Variants in SPON1 observed in about 807,000 individuals in gnomAD.
SPON1 encodes the protein spondin-1.
A neutral mutation model predicts 111.7 loss-of-function variants in SPON1; 52 were observed. The observed-to-expected ratio is 0.47, with a 90% confidence interval of 0.37 to 0.59. The LOEUF (loss-of-function observed/expected upper bound fraction) is 0.59, where lower values mean the gene tolerates loss of function less well. Ranked by LOEUF, SPON1 falls within the 20% of genes least tolerant of loss-of-function variation. SPON1 has a pLI of 0.00. For missense variants in SPON1, 957 were observed against 1,068.5 expected, an observed-to-expected ratio of 0.90 and a Z score of 1.46; for synonymous variants, 410 against 395.8, an observed-to-expected ratio of 1.04 and a Z score of -0.43.
chr11:14,114,019 C>A (rs1004824052), intron 5 of SPON1, among the ~76,000 whole-genome samples: 8 of 152,074 alleles, frequency 5.3e-5, no homozygotes, highest in African/African-American at 1.9e-4. Flanking sequence ...TAATGGTGTA[C>A]CCATCCCCTC....
At chr11:14,204,741 G>T (rs1848499786) in intron 6 of SPON1, among the ~76,000 whole-genome samples, 1 of 151,904 alleles carries the variant, frequency 6.6e-6, no homozygotes, top group African/African-American at 2.4e-5. Context: ...CTGCAGTGCA[G>T]TGGCGCAGTC....
chr11:14,078,363 G>A (rs542287710), intron 4 of SPON1, among the ~76,000 whole-genome samples: 1 of 152,084 alleles, frequency 6.6e-6, no homozygotes, highest in Non-Finnish European at 1.5e-5. Context: ...TTTTTGTAGA[G>A]ACTATTGCTG....
At chr11:14,110,451 A>T (rs1849218836) in intron 5 of SPON1, among the ~76,000 whole-genome samples, 1 of 152,212 alleles carries the variant, frequency 6.6e-6, no homozygotes, top group African/African-American at 2.4e-5. Flanking sequence ...AACCAATAAG[A>T]TATATGTATA....
At chr11:14,051,620 C>T (rs1401986517) in intron 3 of SPON1, among the ~76,000 whole-genome samples, 4 of 151,992 alleles carry the variant, frequency 2.6e-5, no homozygotes, top group East Asian at 1.9e-4. Context: ...CATCTTTAAA[C>T]CATGAAGAGG....
At chr11:14,003,131 C>A (rs1369507646) in intron 2 of SPON1, among the ~76,000 whole-genome samples, 1 of 152,130 alleles carries the variant, frequency 6.6e-6, no homozygotes, top group African/African-American at 2.4e-5. Flanking sequence ...CTGACCACTC[C>A]CTGATTCCTA....
intron 2 of SPON1, among the ~76,000 whole-genome samples, chr11:13,989,401 A>G (rs1160526681): frequency 1.3e-5 from 2 of 152,010 alleles, no homozygotes; most frequent in Admixed American, 6.5e-5. Context: ...GATATCCCCT[A>G]TATCATTTTT....
intron 6 of SPON1, among the ~76,000 whole-genome samples, chr11:14,143,538 G>A (rs1847681412): frequency 6.6e-6 from 1 of 151,064 alleles, no homozygotes; most frequent in African/African-American, 2.4e-5. Context: ...TCCAGCCTGG[G>A]CGACAGAGTC....
At chr11:14,130,399 G>A (rs887650958) in intron 5 of SPON1, among the ~76,000 whole-genome samples, 3 of 152,192 alleles carry the variant, frequency 2.0e-5, no homozygotes, top group African/African-American at 7.2e-5. Flanking sequence ...TTCCTCCTGC[G>A]AAGAATGACA....
chr11:14,225,230 A>G lies in SPON1; in HGVS notation c.826-18102A>G, dbSNP rs534221477. 2.0e-5 allele frequency among the ~76,000 whole-genome samples: 3 copies of G among 152,322 alleles called. No homozygotes were observed. In the South Asian group the frequency reaches 6.2e-4, roughly 32 times the overall value. On this transcript the variant is annotated intron_variant, in intron 6 of 15. Transcript: ENST00000576479. ...TGTCTTTTTTTCTGGCTTACAATGTAAAAAGTAACAATGGTTATCTGTGGG... is the reference window on the plus strand; with the variant it reads ...TGTCTTTTTTTCTGGCTTACAATGTGAAAAGTAACAATGGTTATCTGTGGG...
intron 2 of SPON1, among the ~76,000 whole-genome samples, chr11:13,998,506 C>T (rs188362533): frequency 3.0e-4 from 45 of 152,342 alleles, no homozygotes; most frequent in African/African-American, 1.1e-3. Flanking sequence ...AATCTGTGCA[C>T]CCTGCCTCCT....
intron 3 of SPON1, among the ~76,000 whole-genome samples, chr11:14,054,446 T>C (rs1554918941): frequency 6.6e-6 from 1 of 152,208 alleles, no homozygotes; most frequent in African/African-American, 2.4e-5. Flanking sequence ...TCATTTGGTT[T>C]CCTTTCAAAA....
chr11:14,115,868 A>G (rs1554925925), intron 5 of SPON1, among the ~76,000 whole-genome samples: 1 of 152,150 alleles, frequency 6.6e-6, no homozygotes, highest in Non-Finnish European at 1.5e-5. Context: ...CCACACCAAA[A>G]GAGATCTAAT....
At chr11:14,035,493 A>C (rs187008589) in intron 2 of SPON1, among the ~76,000 whole-genome samples, 1 of 152,296 alleles carries the variant, frequency 6.6e-6, no homozygotes, top group Non-Finnish European at 1.5e-5. Context: ...AGGGAAACAA[A>C]GTCCAAATTC....
At position 13,962,793 on chromosome 11, in the gene SPON1, G is replaced by C. The variant is rs556732732; in HGVS notation, c.-112G>C. The C allele has an allele frequency of 9.7e-7, 1 of 1,027,606 alleles. No homozygotes were observed. The highest frequency in any genetic ancestry group is 3.1e-5 in the East Asian group (1 of 32,324). 63.7% of individuals were successfully genotyped at this position (1,027,606 alleles called of 1,614,324 possible). ...TCCGAGTCGCGGACGCCAGCTCCGAGCTCCCTCTCTCCGCCGCGCCTCCGC... is the reference window on the plus strand; with the variant it reads ...TCCGAGTCGCGGACGCCAGCTCCGACCTCCCTCTCTCCGCCGCGCCTCCGC... On this transcript the variant is annotated 5_prime_UTR_variant, in exon 1 of 16. Coordinates refer to ENST00000576479, the MANE Select transcript of SPON1 (RefSeq NM_006108.4).
At chr11:14,109,069 A>C (rs782702463) in intron 5 of SPON1, among the ~76,000 whole-genome samples, 11 of 152,132 alleles carry the variant, frequency 7.2e-5, no homozygotes, top group Non-Finnish European at 1.6e-4. Flanking sequence ...ATTTCAGCCT[A>C]AACCATCACT....
chr11:14,113,795 G>A (rs1849246190), intron 5 of SPON1, among the ~76,000 whole-genome samples: 1 of 151,350 alleles, frequency 6.6e-6, no homozygotes, highest in Non-Finnish European at 1.5e-5. Flanking sequence ...TAGTAGAGAC[G>A]GGGTTTCACT....
At chr11:14,140,796 C>G (rs1554928683) in intron 6 of SPON1, among the ~76,000 whole-genome samples, 2 of 152,054 alleles carry the variant, frequency 1.3e-5, no homozygotes, top group Non-Finnish European at 2.9e-5. Context: ...CCTGGTCCCA[C>G]CCAAGTTTTT....
At chr11:14,111,190 G>A (rs1358997547) in intron 5 of SPON1, among the ~76,000 whole-genome samples, 1 of 152,126 alleles carries the variant, frequency 6.6e-6, no homozygotes, top group African/African-American at 2.4e-5. Context: ...CAACCCTTGG[G>A]CAGCAATCAT....
rs180909792 is a variant in SPON1, at chr11:14,156,214, T to G, written c.825+20646T>G. Among the ~76,000 whole-genome samples, 1,244 of 145,124 alleles carry G rather than the reference T, an allele frequency of 8.6e-3. 28 individuals carry two copies. Among genetic ancestry groups the G allele is most frequent in the African/African-American group, 0.029 (1,162 of 39,560 alleles). ...ACTGGTGTGAGATAGTATCTCATTG[T>G]GGTTTTGATTTGCATTTCTCTGATG... On this transcript the variant is annotated intron_variant, in intron 6 of 15. Coordinates refer to ENST00000576479, the MANE Select transcript of SPON1 (RefSeq NM_006108.4).
Sources: allele counts gnomAD v4.1 joint callset (sites outside exome capture counted in the v4.1 genomes callset), GRCh38; gene constraint gnomAD v4.1.1; transcripts MANE v1.5; gene names NCBI Gene and HGNC (gene_info 2026-07-23, HGNC 2026-07-21).